CHSY3: variants seen among roughly 807,000 people sequenced by gnomAD.
CHSY3 encodes chondroitin sulfate synthase 3.
CHSY3 carries 35 observed loss-of-function variants against 67.2 expected under a neutral mutation model. That is an observed-to-expected ratio of 0.52 (90% CI 0.40 to 0.69). CHSY3 has a LOEUF of 0.69. Among genes scored for constraint, CHSY3 ranks in the 30% least tolerant of loss-of-function variants. The pLI is 0.00. For missense variants in CHSY3, 1,069 were observed against 1,138.5 expected (o/e 0.94, Z 0.88); for synonymous variants, 474 against 434.7 (o/e 1.09, Z -1.12).
chr5:130,086,665 A>G (rs1190222665), intron 2 of CHSY3, among the ~76,000 whole-genome samples: 1 of 152,186 alleles, frequency 6.6e-6, no homozygotes, highest in Non-Finnish European at 1.5e-5. Context: ...AGACTCAACC[A>G]GGAAGAAGTT....
chr5:129,943,332 A>T (rs191722439), intron 2 of CHSY3, among the ~76,000 whole-genome samples: 70 of 152,372 alleles, frequency 4.6e-4, no homozygotes, highest in Non-Finnish European at 8.5e-4. Flanking sequence ...TCAAAAAATC[A>T]TGCCGAACTC....
chr5:130,076,960 G>C (rs554465069), intron 2 of CHSY3, among the ~76,000 whole-genome samples: 4 of 142,800 alleles, frequency 2.8e-5, no homozygotes, highest in Admixed American at 7.0e-5. Flanking sequence ...GATGCGGGGA[G>C]GGGGGAGGGA....
chr5:130,051,714 G>C (rs2149671716), intron 2 of CHSY3, among the ~76,000 whole-genome samples: 1 of 152,196 alleles, frequency 6.6e-6, no homozygotes, highest in South Asian at 2.1e-4. Flanking sequence ...GGTGTATTCA[G>C]GGGACAGAGA....
chr5:130,074,064 AT>A (rs916443134), intron 2 of CHSY3, among the ~76,000 whole-genome samples: 1 of 147,076 alleles, frequency 6.8e-6, no homozygotes, highest in African/African-American at 2.7e-5. Flanking sequence ...AATACAAGTT[AT>A]TTTTTTGTTT....
rs898812407 is a variant in CHSY3, at chr5:129,987,291, G to A, written c.1086+78931G>A. Among the ~76,000 whole-genome samples the A allele has an allele frequency of 3.9e-5, 6 of 152,126 alleles. No homozygotes were observed. In the South Asian group the frequency reaches 1.2e-3, roughly 32 times the overall value. The stretch of plus-strand genomic sequence containing the variant: ...TGTTATGTTATTGGTAGAACTATTT[G>A]GAAAATTAGAGAGGACACACTATAT... On this transcript the variant is annotated intron_variant, in intron 2 of 2. Transcript: ENST00000305031.
chr5:130,122,665 T>C (rs1768080945), intron 2 of CHSY3, among the ~76,000 whole-genome samples: 1 of 152,200 alleles, frequency 6.6e-6, no homozygotes, highest in Admixed American at 6.5e-5. Flanking sequence ...GCTTATGGCA[T>C]TTCCAAAATG....
chr5:130,141,641 C>A, intron 2 of CHSY3: 1 of 519,078 alleles, frequency 1.9e-6, no homozygotes, highest in South Asian at 1.4e-5. Flanking sequence ...TCCAAGAATT[C>A]AGTTGAAAGC....
intron 2 of CHSY3, among the ~76,000 whole-genome samples, chr5:129,969,502 G>A (rs1762574731): frequency 6.6e-6 from 1 of 151,814 alleles, no homozygotes; most frequent in Non-Finnish European, 1.5e-5. Context: ...GCTTTTTACA[G>A]ACAATTAATT....
intron 2 of CHSY3, among the ~76,000 whole-genome samples, chr5:129,956,846 A>G (rs1247658329): frequency 1.3e-5 from 2 of 152,012 alleles, no homozygotes; most frequent in Non-Finnish European, 1.5e-5. Context: ...TACCAGTACC[A>G]TGCTGTTTTC....
At chr5:130,001,713 CATT>C in intron 2 of CHSY3, 2 of 767,866 alleles carry the variant, frequency 2.6e-6, no homozygotes, top group East Asian at 1.3e-4. Flanking sequence ...AAATAAGTAA[CATT>C]ATTTTTTAAA....
chr5:129,933,232 G>A (rs979075228), intron 2 of CHSY3, among the ~76,000 whole-genome samples: 1 of 152,074 alleles, frequency 6.6e-6, no homozygotes, highest in Non-Finnish European at 1.5e-5. Context: ...AGCCTGGATG[G>A]CCACAAAGAA....
intron 2 of CHSY3, among the ~76,000 whole-genome samples, chr5:130,171,245 G>A (rs1769886900): frequency 6.6e-6 from 1 of 152,088 alleles, no homozygotes; most frequent in Admixed American, 6.6e-5. Flanking sequence ...TATCTATATA[G>A]TCACTCTGAA....
At chr5:129,999,591 A>G (rs1763659738) in intron 2 of CHSY3, among the ~76,000 whole-genome samples, 1 of 152,166 alleles carries the variant, frequency 6.6e-6, no homozygotes, top group Admixed American at 6.5e-5. Context: ...CCGCATTATC[A>G]GACCCTTCTT....
intron 2 of CHSY3, among the ~76,000 whole-genome samples, chr5:130,139,640 T>A (rs1257634505): frequency 6.6e-6 from 1 of 152,184 alleles, no homozygotes; most frequent in Non-Finnish European, 1.5e-5. Flanking sequence ...ACCATACAGT[T>A]CCACTCTGAA....
At chr5:130,177,145 C>T (rs1770077822) in intron 2 of CHSY3, among the ~76,000 whole-genome samples, 2 of 151,282 alleles carry the variant, frequency 1.3e-5, no homozygotes, top group African/African-American at 4.9e-5. Context: ...ACTCCCTATA[C>T]TTCATATGGG....
intron 2 of CHSY3, among the ~76,000 whole-genome samples, chr5:130,055,940 G>T (rs2149673964): frequency 6.6e-6 from 1 of 152,264 alleles, no homozygotes; most frequent in African/African-American, 2.4e-5. Flanking sequence ...CTGGTAGAAA[G>T]ATTTGGAGGG....
chr5:130,001,697 T>A (rs1403087422), intron 2 of CHSY3: 1 of 740,606 alleles, frequency 1.4e-6, no homozygotes, highest in Non-Finnish European at 1.6e-6. Context: ...CACAATTATT[T>A]CATAAAAATA....
chr5:130,064,206 T>A (rs1693785209), intron 2 of CHSY3, among the ~76,000 whole-genome samples: 1 of 152,108 alleles, frequency 6.6e-6, no homozygotes, highest in African/African-American at 2.4e-5. Flanking sequence ...ATGATAGACA[T>A]TCCCAACTAA....
chr5:130,134,672 G>A (rs759033703), intron 2 of CHSY3, among the ~76,000 whole-genome samples: 1 of 151,966 alleles, frequency 6.6e-6, no homozygotes, highest in Non-Finnish European at 1.5e-5. Context: ...TGAGATAGAA[G>A]GTTTCAATTT....
Sources: allele counts gnomAD v4.1 joint callset (sites outside exome capture counted in the v4.1 genomes callset), GRCh38; gene constraint gnomAD v4.1.1; transcripts MANE v1.5; gene names NCBI Gene and HGNC (gene_info 2026-07-23, HGNC 2026-07-21).